ABCA10: variants seen among roughly 807,000 people sequenced by gnomAD.
ABCA10 encodes ATP binding cassette subfamily A member 10.
ABCA10 carries 169 observed loss-of-function variants against 187.5 expected under a neutral mutation model. The observed-to-expected ratio is 0.90, with a 90% CI of 0.80 to 1.02. ABCA10 has a LOEUF of 1.02. Ranked by LOEUF, ABCA10 falls within the 50% of genes least tolerant of loss-of-function variation. The pLI is 0.00. For missense variants in ABCA10, 1,727 were observed against 1,812.4 expected, an observed-to-expected ratio of 0.95 and a Z score of 0.86; for synonymous variants, 574 against 601.8, an observed-to-expected ratio of 0.95 and a Z score of 0.68.
At chr17:69,198,497 T>C (rs1426958674) in intron 10 of ABCA10, among the ~76,000 whole-genome samples, 6 of 152,266 alleles carry the variant, frequency 3.9e-5, no homozygotes, top group African/African-American at 1.2e-4. Context: ...TTCTCAGACT[T>C]CTTGACAAGG....
intron 27 of ABCA10, 44 bp from the exon 28 acceptor site, chr17:69,156,967 T>A (rs1365356638): frequency 2.3e-5 from 28 of 1,194,860 alleles, no homozygotes; most frequent in Non-Finnish European, 3.1e-5. Context: ...CACCATGGCA[T>A]TCACACTCAA....
Position 69,187,673 on chromosome 17 carries a change from A to C in ABCA10, c.2330+8T>G. On this transcript the variant is annotated splice_region_variant and intron_variant, in intron 19 of 38. Coordinates refer to ENST00000690296, the MANE Select transcript of ABCA10 (RefSeq NM_001377321.1). The stretch of plus-strand genomic sequence containing the variant: ...GACCAAATAGATATAAAGTAATCTG[A>C]TACTCACAAACACAAAAGAGCTCTC... 1 of 1,612,368 alleles carries C rather than the reference A, an allele frequency of 6.2e-7. No homozygotes were observed.
chr17:69,188,853 C>A (rs2074440387), intron 18 of ABCA10, among the ~76,000 whole-genome samples: 1 of 152,066 alleles, frequency 6.6e-6, no homozygotes, highest in South Asian at 2.1e-4. Context: ...CATGTTGCTG[C>A]AAAGGACATG....
Position 69,177,295 on chromosome 17 carries a change from C to A in ABCA10, c.2770-1782G>T, listed in dbSNP as rs547219633. The stretch of plus-strand genomic sequence containing the variant: ...ACATGCATACCTCTTTTTTATACTT[C>A]TTTCAATCTGCCATTTAATGCTACT... On this transcript the variant is annotated intron_variant, in intron 22 of 38. Coordinates refer to ENST00000690296, the MANE Select transcript of ABCA10 (RefSeq NM_001377321.1). Among the ~76,000 whole-genome samples the A allele has an allele frequency of 2.0e-5, 3 of 152,250 alleles. No homozygotes were observed. In the South Asian group the frequency reaches 6.2e-4, roughly 32 times the overall value.
At chr17:69,198,472 G>A (rs1315897594) in intron 10 of ABCA10, among the ~76,000 whole-genome samples, 1 of 152,174 alleles carries the variant, frequency 6.6e-6, no homozygotes, top group Admixed American at 6.5e-5. Context: ...ACGCAGGCTC[G>A]AGGTTTGCAG....
upstream of ABCA10, chr17:69,233,722 C>G (rs944715238): frequency 1.3e-5 from 2 of 152,256 alleles, no homozygotes; most frequent in Admixed American, 1.3e-4. Context: ...AGATCTTCCA[C>G]AGACTCTAAG....
At chr17:69,235,285 G>T (rs1263077791) in intron 1 of ABCA10, among the ~76,000 whole-genome samples, 2 of 152,182 alleles carry the variant, frequency 1.3e-5, no homozygotes, top group Non-Finnish European at 2.9e-5. Flanking sequence ...GACCAAAGGA[G>T]GGATTTATAA....
rs188041771 is a variant in ABCA10 at position 69,188,887 on chromosome 17, G to C, written c.2132-1008C>G. 9.9e-5 allele frequency among the ~76,000 whole-genome samples: 15 copies of C among 152,130 alleles called. No individual in the cohort carries two copies. In the East Asian group the frequency reaches 2.7e-3, roughly 27 times the overall value. ...TGATCTCATTCTTTATGGTTGCGTG[G>C]TATTACATAGTGTACATGTAACACC... On this transcript the variant is annotated intron_variant, in intron 18 of 38. Coordinates refer to ENST00000690296, the MANE Select transcript of ABCA10 (RefSeq NM_001377321.1).
chr17:69,176,020 T>G (rs1251553690), intron 22 of ABCA10, among the ~76,000 whole-genome samples: 2 of 152,092 alleles, frequency 1.3e-5, no homozygotes, highest in Non-Finnish European at 2.9e-5. Context: ...CGTTTAATAT[T>G]TTAGAACTAC....
At chr17:69,189,519 A>G (rs913064385) in intron 18 of ABCA10, among the ~76,000 whole-genome samples, 2 of 152,070 alleles carry the variant, frequency 1.3e-5, no homozygotes, top group Non-Finnish European at 2.9e-5. Context: ...GATGCTCTTT[A>G]GTTTAATTAG....
chr17:69,184,811 A>C (rs2074407173), intron 20 of ABCA10, among the ~76,000 whole-genome samples: 1 of 151,864 alleles, frequency 6.6e-6, no homozygotes, highest in South Asian at 2.1e-4. Context: ...GTGCCCATCC[A>C]TCAACAAGTG....
intron 25 of ABCA10, among the ~76,000 whole-genome samples, chr17:69,170,520 A>G (rs1389878537): frequency 1.3e-5 from 2 of 151,504 alleles, no homozygotes; most frequent in African/African-American, 2.4e-5. Context: ...CCTTGTAAGG[A>G]GTAATTAAAC....
chr17:69,229,928 A>G (rs567394151), upstream of ABCA10, among the ~76,000 whole-genome samples: 11 of 152,192 alleles, frequency 7.2e-5, no homozygotes, highest in African/African-American at 2.6e-4. Flanking sequence ...AATTTTTAAA[A>G]TATTTTTTAT....
At chr17:69,192,511 C>A in intron 16 of ABCA10, 52 bp downstream of exon 16, 1 of 1,452,992 alleles carries the variant, frequency 6.9e-7, no homozygotes, top group Non-Finnish European at 9.4e-7. Flanking sequence ...TACAAAATGT[C>A]ACCCTCATAT....
chr17:69,194,093 TA>T, intron 12 of ABCA10, 104 bp from the exon 13 acceptor site: 1 of 1,098,762 alleles, frequency 9.1e-7, no homozygotes, highest in South Asian at 1.7e-5. Context: ...TTGTTTTTAT[TA>T]AAGAAACTTC....
At chr17:69,214,642 T>C (rs1468827750) in intron 9 of ABCA10, 62 bp downstream of exon 9, 1 of 1,309,072 alleles carries the variant, frequency 7.6e-7, no homozygotes, top group East Asian at 2.8e-5. Flanking sequence ...AAACAGATAT[T>C]AATACATGTT....
intron 6 of ABCA10, 57 bp downstream of exon 6, chr17:69,219,488 A>T: frequency 7.9e-7 from 1 of 1,270,844 alleles, no homozygotes; most frequent in Non-Finnish European, 1.1e-6. Flanking sequence ...TTAAGAACCT[A>T]GTTAGTTTCT....
chr17:69,231,648 A>G (rs1267328419), upstream of ABCA10, among the ~76,000 whole-genome samples: 1 of 152,008 alleles, frequency 6.6e-6, no homozygotes, highest in Non-Finnish European at 1.5e-5. Flanking sequence ...TGTAATTTTG[A>G]TTCTTTTAAA....
chr17:69,194,467 C>T lies in ABCA10; in HGVS notation c.1263G>A (p.Gln421=). The T allele has an allele frequency of 1.2e-6, 2 of 1,612,464 alleles. No individual in the cohort carries two copies. The highest frequency in any genetic ancestry group is 2.2e-5 in the South Asian group (2 of 90,808). ...QGIFFDIYEG[Q]ITAILGHNGA... Reference sequence around the variant, plus strand: ...CATTATGCCCAAGTATTGCAGTGATCTGTCCTTCATATATGTCAAAAAATA... The same window carrying T: ...CATTATGCCCAAGTATTGCAGTGATTTGTCCTTCATATATGTCAAAAAATA... Residue 421 remains glutamine, a synonymous_variant, in exon 12 of 39, where the codon CAG becomes CAA. Coordinates refer to ENST00000690296, the MANE Select transcript of ABCA10 (RefSeq NM_001377321.1).
Sources: gnomAD v4.1 joint callset for allele counts (sites outside exome capture counted in the v4.1 genomes callset) on GRCh38, gnomAD v4.1.1 for gene constraint, MANE v1.5 for transcripts, NCBI Gene and HGNC (gene_info 2026-07-23, HGNC 2026-07-21) for gene names.